CCDC102B: variants seen among roughly 807,000 people sequenced by gnomAD.
The protein encoded by CCDC102B is coiled-coil domain-containing protein 102B.
CCDC102B carries 75 observed loss-of-function variants against 57.4 expected under a neutral mutation model. That is an observed-to-expected ratio of 1.31 (90% CI 1.08 to 1.58). The LOEUF (loss-of-function observed/expected upper bound fraction) is 1.58, where lower values mean the gene tolerates loss of function less well. Among genes scored for constraint, CCDC102B ranks in the 40% most tolerant of loss-of-function variants. The probability of loss-of-function intolerance (pLI) is 0.00; values close to 1 mark genes in which losing one functional copy is unlikely to be tolerated. For missense variants in CCDC102B, 636 were observed against 582.6 expected (o/e 1.09, Z -0.94); for synonymous variants, 206 against 201.9 (o/e 1.02, Z -0.17).
intron 6 of CCDC102B, among the ~76,000 whole-genome samples, chr18:68,917,110 G>A (rs1357646127): frequency 6.6e-6 from 1 of 152,184 alleles, no homozygotes; most frequent in African/African-American, 2.4e-5. Context: ...ATAGCTTTGT[G>A]CTCTTTTGTT....
intron 6 of CCDC102B, among the ~76,000 whole-genome samples, chr18:68,920,382 C>T (rs1002943702): frequency 2.0e-5 from 3 of 152,146 alleles, no homozygotes; most frequent in African/African-American, 4.8e-5. Flanking sequence ...CTATGGCCAT[C>T]TGATGTTTGG....
At chr18:68,870,974 A>G (rs1272808582) in intron 4 of CCDC102B, among the ~76,000 whole-genome samples, 3 of 152,192 alleles carry the variant, frequency 2.0e-5, no homozygotes, top group Non-Finnish European at 4.4e-5. Flanking sequence ...TTTCTTAGAC[A>G]TCGTCTTCAG....
chr18:68,815,743 C>CT (rs1214568698), intron 1 of CCDC102B, among the ~76,000 whole-genome samples: 5 of 151,166 alleles, frequency 3.3e-5, no homozygotes, highest in African/African-American at 1.2e-4. Context: ...GCACAAACTT[C>CT]TTTTTTTCAT....
At chr18:68,964,401 GTT>G (rs59142595) in intron 6 of CCDC102B, among the ~76,000 whole-genome samples, 186 of 143,992 alleles carry the variant, frequency 1.3e-3, no homozygotes, top group East Asian at 5.5e-3. Flanking sequence ...AAAGTTCAGG[GTT>G]TTTTTTTTTT....
chr18:68,944,414 G>T (rs1204512376), intron 6 of CCDC102B, among the ~76,000 whole-genome samples: 2 of 152,070 alleles, frequency 1.3e-5, no homozygotes, highest in African/African-American at 2.4e-5. Context: ...GTTTCCAGAG[G>T]CTGGGAAGTA....
intron 2 of CCDC102B, among the ~76,000 whole-genome samples, chr18:68,726,321 A>G (rs1468693636): frequency 6.6e-6 from 1 of 152,192 alleles, no homozygotes; most frequent in African/African-American, 2.4e-5. Context: ...TCAAATAATA[A>G]ATTTGAAATG....
At chr18:68,819,031 A>G (rs2036596179) in intron 1 of CCDC102B, among the ~76,000 whole-genome samples, 1 of 152,122 alleles carries the variant, frequency 6.6e-6, no homozygotes. Flanking sequence ...TGCACGCTTA[A>G]TGCATTCTTC....
intron 7 of CCDC102B, among the ~76,000 whole-genome samples, chr18:69,041,427 A>G (rs1400899954): frequency 6.6e-6 from 1 of 152,018 alleles, no homozygotes; most frequent in Admixed American, 6.6e-5. Flanking sequence ...TTACATAACC[A>G]TTTCTATCAC....
intron 2 of CCDC102B, among the ~76,000 whole-genome samples, chr18:68,788,497 A>G (rs1263552598): frequency 1.3e-5 from 2 of 151,538 alleles, no homozygotes; most frequent in South Asian, 2.1e-4. Context: ...GACTTGCTTT[A>G]TGAATCTTGG....
At chr18:69,013,517 A>G (rs756118014) in intron 7 of CCDC102B, among the ~76,000 whole-genome samples, 1 of 152,182 alleles carries the variant, frequency 6.6e-6, no homozygotes, top group East Asian at 1.9e-4. Context: ...CACCCCATAT[A>G]TTTGTTCAAA....
intron 2 of CCDC102B, chr18:68,838,436 T>G (rs2037480274): frequency 1.0e-6 from 1 of 985,292 alleles, no homozygotes; most frequent in Non-Finnish European, 1.2e-6. Context: ...AGAGTTATTT[T>G]TAGCTGCGAT....
chr18:68,956,458 AT>A (rs377016855), intron 6 of CCDC102B, among the ~76,000 whole-genome samples: 2,622 of 12,196 alleles, frequency 0.21, 331 homozygotes, highest in African/African-American at 0.36. Flanking sequence ...TATATTATAT[AT>A]TTTATATATA....
At chr18:69,004,788 C>T (rs1489219664) in intron 6 of CCDC102B, among the ~76,000 whole-genome samples, 1 of 151,994 alleles carries the variant, frequency 6.6e-6, no homozygotes, top group African/African-American at 2.4e-5. Context: ...AAATGCATAA[C>T]ACAGTTATTG....
At chr18:68,849,110 C>G (rs1444086962) in intron 4 of CCDC102B, among the ~76,000 whole-genome samples, 1 of 151,950 alleles carries the variant, frequency 6.6e-6, no homozygotes, top group Non-Finnish European at 1.5e-5. Context: ...CCCTTTATGG[C>G]TTACATTGAA....
chr18:68,941,926 C>T (rs1472717995), intron 6 of CCDC102B, among the ~76,000 whole-genome samples: 1 of 151,754 alleles, frequency 6.6e-6, no homozygotes, highest in Admixed American at 6.6e-5. Context: ...TTTCTTTTTT[C>T]CCAGTGGTAG....
chr18:68,969,206 A>G (rs1371394419), intron 6 of CCDC102B, among the ~76,000 whole-genome samples: 2 of 152,138 alleles, frequency 1.3e-5, no homozygotes, highest in South Asian at 2.1e-4. Context: ...CAGGTTCCTG[A>G]CTGAATCCAG....
intron 5 of CCDC102B, among the ~76,000 whole-genome samples, chr18:68,881,677 G>A (rs563280290): frequency 6.6e-6 from 1 of 152,202 alleles, no homozygotes; most frequent in African/African-American, 2.4e-5. Flanking sequence ...TCCAGCCTTT[G>A]GATTTGGACT....
At chr18:69,007,003 G>C (rs1438018789) in intron 6 of CCDC102B, among the ~76,000 whole-genome samples, 1 of 152,144 alleles carries the variant, frequency 6.6e-6, no homozygotes, top group Non-Finnish European at 1.5e-5. Context: ...GGATTGTCAC[G>C]TGGATTTAGA....
chr18:68,956,362 T>TATATATA lies in CCDC102B; in HGVS notation c.1264-54571_1264-54565dup, dbSNP rs1568351936. 4.8e-3 allele frequency among the ~76,000 whole-genome samples: 232 copies of TATATATA among 48,732 alleles called. 4 individuals carry two copies. The highest frequency in any genetic ancestry group is 0.012 in the South Asian group (35 of 2,816). 32.0% of individuals were successfully genotyped at this position (48,732 alleles called of 152,430 possible). Reference sequence around the variant, plus strand: ...ATAATATATATATTAATATATATAATATATATATAAAATGTATAATATATA... The same window carrying TATATATA: ...ATAATATATATATTAATATATATAATATATATAATATATATAAAATGTATAATATATA... On this transcript the variant is annotated intron_variant, in intron 6 of 7. Transcript: ENST00000360242.
Sources: gnomAD v4.1 joint callset for allele counts (sites outside exome capture counted in the v4.1 genomes callset) on GRCh38, gnomAD v4.1.1 for gene constraint, MANE v1.5 for transcripts, NCBI Gene and HGNC (gene_info 2026-07-23, HGNC 2026-07-21) for gene names.